PCDH7: variants seen among roughly 807,000 people sequenced by gnomAD.
PCDH7 encodes the protein protocadherin 7, also known as protocadherin-7.
In PCDH7, 17 loss-of-function variants were observed where a neutral mutation model predicts 58.9. The ratio of observed to expected loss-of-function variants is 0.29; its 90% CI spans 0.20 to 0.43. PCDH7 has a LOEUF of 0.43. PCDH7 is among the 20% of genes least tolerant of loss of function. PCDH7 has a pLI of 1.00. For synonymous variants in PCDH7, 664 were observed against 616.4 expected, an observed-to-expected ratio of 1.08 and a Z score of -1.14; for missense variants, 1,274 against 1,441.0, an observed-to-expected ratio of 0.88 and a Z score of 1.88.
chr4:30,878,736 G>C (rs1342089023), intron 1 of PCDH7, among the ~76,000 whole-genome samples: 1 of 152,014 alleles, frequency 6.6e-6, no homozygotes, highest in Non-Finnish European at 1.5e-5. Flanking sequence ...TGTAATCCCA[G>C]CTACTCTGGA....
intron 1 of PCDH7, among the ~76,000 whole-genome samples, chr4:30,894,592 CACACAT>C (rs1739150810): frequency 9.8e-6 from 1 of 102,122 alleles, no homozygotes; most frequent in African/African-American, 4.1e-5. Context: ...TATACACACA[CACACAT>C]ATATATATAT....
At chr4:31,049,625 C>T (rs139818914) in intron 3 of PCDH7, among the ~76,000 whole-genome samples, 3 of 152,124 alleles carry the variant, frequency 2.0e-5, no homozygotes, top group Non-Finnish European at 4.4e-5. Context: ...ATTAGGTGTC[C>T]AAAAAGTTTG....
chr4:30,768,493 A>G (rs1721018501), intron 1 of PCDH7, among the ~76,000 whole-genome samples: 1 of 152,224 alleles, frequency 6.6e-6, no homozygotes, highest in Admixed American at 6.5e-5. Flanking sequence ...AGATATGAAC[A>G]GGAAGACCTC....
chr4:30,955,641 T>C (rs1747782602), intron 3 of PCDH7, among the ~76,000 whole-genome samples: 1 of 151,808 alleles, frequency 6.6e-6, no homozygotes. Flanking sequence ...CTCCGCCTCA[T>C]GGGTTCAAGG....
chr4:30,741,090 T>G (rs2109248350), intron 1 of PCDH7, among the ~76,000 whole-genome samples: 1 of 152,328 alleles, frequency 6.6e-6, no homozygotes, highest in Non-Finnish European at 1.5e-5. Context: ...GTAATATAAC[T>G]TTGATATCGG....
intron 1 of PCDH7, among the ~76,000 whole-genome samples, chr4:30,828,992 T>C (rs1002375305): frequency 6.6e-6 from 1 of 152,138 alleles, no homozygotes; most frequent in Non-Finnish European, 1.5e-5. Flanking sequence ...TGTTAGGACA[T>C]GTTTTCCTTA....
At chr4:30,941,117 A>T (rs568831597) in intron 2 of PCDH7, among the ~76,000 whole-genome samples, 4 of 152,092 alleles carry the variant, frequency 2.6e-5, no homozygotes, top group African/African-American at 7.2e-5. Context: ...TTTTAAAAAA[A>T]TTTTAGTAAG....
At chr4:30,846,297 A>C (rs1270407578) in intron 1 of PCDH7, among the ~76,000 whole-genome samples, 3 of 152,066 alleles carry the variant, frequency 2.0e-5, no homozygotes, top group African/African-American at 7.2e-5. Flanking sequence ...TCATGTTGCT[A>C]TCACAGGAGG....
chr4:30,854,760 C>G (rs562863487), intron 1 of PCDH7, among the ~76,000 whole-genome samples: 1 of 151,926 alleles, frequency 6.6e-6, no homozygotes, highest in South Asian at 2.1e-4. Flanking sequence ...TGTTGGTTAC[C>G]ATGGATATTA....
chr4:31,069,714 A>G (rs1410179904), intron 3 of PCDH7, among the ~76,000 whole-genome samples: 2 of 151,986 alleles, frequency 1.3e-5, no homozygotes, highest in Non-Finnish European at 2.9e-5. Flanking sequence ...AATTTTTCTT[A>G]TTAGACCACC....
intron 1 of PCDH7, among the ~76,000 whole-genome samples, chr4:30,865,704 G>A (rs1734792520): frequency 6.6e-6 from 1 of 152,080 alleles, no homozygotes; most frequent in Non-Finnish European, 1.5e-5. Flanking sequence ...AACCTCATAG[G>A]AAGGAACTGA....
chr4:31,108,681 A>C (rs1715905671), intron 3 of PCDH7, among the ~76,000 whole-genome samples: 1 of 152,228 alleles, frequency 6.6e-6, no homozygotes, highest in Non-Finnish European at 1.5e-5. Flanking sequence ...TGGCTGGTGT[A>C]AAGCAACTGT....
intron 1 of PCDH7, among the ~76,000 whole-genome samples, chr4:30,821,822 A>G (rs1351944678): frequency 6.6e-6 from 1 of 152,142 alleles, no homozygotes; most frequent in African/African-American, 2.4e-5. Flanking sequence ...TCTGCATACA[A>G]TTTTATTGTT....
At chr4:31,023,448 T>C (rs941665632) in intron 3 of PCDH7, among the ~76,000 whole-genome samples, 16 of 152,200 alleles carry the variant, frequency 1.1e-4, no homozygotes, top group Admixed American at 9.8e-4. Context: ...TGAATCAAAT[T>C]CCTGCTCTCT....
intron 1 of PCDH7, among the ~76,000 whole-genome samples, chr4:30,742,976 C>T (rs564097359): frequency 6.6e-6 from 1 of 152,244 alleles, no homozygotes; most frequent in South Asian, 2.1e-4. Flanking sequence ...CACTCAACTT[C>T]TCTTTATCTC....
chr4:30,955,864 G>A (rs1465090109), intron 3 of PCDH7, among the ~76,000 whole-genome samples: 1 of 151,720 alleles, frequency 6.6e-6, no homozygotes, highest in Non-Finnish European at 1.5e-5. Context: ...CATTGTTAAA[G>A]GACCTCATAA....
chr4:31,114,482 A>T (rs1204624327), intron 3 of PCDH7, among the ~76,000 whole-genome samples: 1 of 152,116 alleles, frequency 6.6e-6, no homozygotes, highest in Non-Finnish European at 1.5e-5. Context: ...AATTACCCCA[A>T]ATCTGCATTC....
intron 3 of PCDH7, among the ~76,000 whole-genome samples, chr4:31,125,026 T>G (rs1214061630): frequency 1.3e-5 from 2 of 152,192 alleles, no homozygotes; most frequent in Non-Finnish European, 2.9e-5. Flanking sequence ...TGAGTGGTCT[T>G]CTTGCCATGT....
chr4:30,881,866 A>AT (rs1006470066), intron 1 of PCDH7, among the ~76,000 whole-genome samples: 4 of 152,060 alleles, frequency 2.6e-5, no homozygotes, highest in Non-Finnish European at 5.9e-5. Context: ...AATCTGAAGT[A>AT]TTTTTTTCAA....
Sources: gnomAD v4.1 joint callset for allele counts (sites outside exome capture counted in the v4.1 genomes callset) on GRCh38, gnomAD v4.1.1 for gene constraint, MANE v1.5 for transcripts, NCBI Gene and HGNC (gene_info 2026-07-23, HGNC 2026-07-21) for gene names.